The following HNF4G variants were observed in gnomAD, a reference collection of about 807,000 sequenced individuals.
HNF4G encodes hepatocyte nuclear factor 4-gamma.
HNF4G carries 21 observed loss-of-function variants against 50.9 expected under a neutral mutation model. The observed-to-expected ratio is 0.41, with a 90% CI of 0.29 to 0.59. The LOEUF (loss-of-function observed/expected upper bound fraction) is 0.59. Ranked by LOEUF, HNF4G falls within the 20% of genes least tolerant of loss-of-function variation. The probability of loss-of-function intolerance (pLI) is 0.26; values close to 1 mark genes in which losing one functional copy is unlikely to be tolerated. For missense variants in HNF4G, 527 were observed against 559.4 expected (o/e 0.94, Z 0.58); for synonymous variants, 198 against 185.6 (o/e 1.07, Z -0.54).
intron 1 of HNF4G, among the ~76,000 whole-genome samples, chr8:75,432,895 C>A (rs745507723): frequency 6.6e-6 from 1 of 152,144 alleles, no homozygotes; most frequent in African/African-American, 2.4e-5. Context: ...AACATTTAGA[C>A]AGTTCTGGGG....
intron 1 of HNF4G, 62 bp from the exon 2 acceptor site, chr8:75,543,749 T>A (rs1238409184): frequency 1.0e-5 from 14 of 1,375,690 alleles, no homozygotes; most frequent in African/African-American, 1.5e-5. Context: ...AAATAATTAG[T>A]AGGACAATTT....
At chr8:75,458,860 CTT>C (rs768689702) in intron 1 of HNF4G, among the ~76,000 whole-genome samples, 45 of 152,126 alleles carry the variant, frequency 3.0e-4, no homozygotes, top group African/African-American at 6.5e-4. Flanking sequence ...TTTCTAATGA[CTT>C]ATATTTTAAC....
intron 1 of HNF4G, among the ~76,000 whole-genome samples, chr8:75,433,069 A>G (rs886868626): frequency 1.1e-4 from 17 of 152,112 alleles, no homozygotes; most frequent in African/African-American, 4.1e-4. Flanking sequence ...TCAAAAGAGA[A>G]CCACACGGCC....
upstream of HNF4G, among the ~76,000 whole-genome samples, chr8:75,538,758 T>C (rs564638757): frequency 9.8e-5 from 15 of 152,310 alleles, no homozygotes; most frequent in Middle Eastern, 3.4e-3. Context: ...ACTGTTTGAT[T>C]TAGTGAATCT....
At chr8:75,418,738 T>G (rs1287002547) in intron 1 of HNF4G, among the ~76,000 whole-genome samples, 1 of 148,862 alleles carries the variant, frequency 6.7e-6, no homozygotes, top group African/African-American at 2.5e-5. Context: ...TTTTTTTTTT[T>G]TTTTTTGAGA....
intron 1 of HNF4G, among the ~76,000 whole-genome samples, chr8:75,433,522 T>C (rs1049460495): frequency 1.2e-4 from 18 of 152,176 alleles, no homozygotes; most frequent in Admixed American, 3.9e-4. Context: ...TTGTATTTAT[T>C]GATTGATTTT....
intron 1 of HNF4G, among the ~76,000 whole-genome samples, chr8:75,477,955 G>A (rs536951229): frequency 9.3e-5 from 14 of 151,218 alleles, no homozygotes; most frequent in African/African-American, 2.9e-4. Flanking sequence ...CAACAAGAGC[G>A]AAACTCCGTT....
chr8:75,536,103 T>C (rs1447869535), upstream of HNF4G, among the ~76,000 whole-genome samples: 1 of 151,940 alleles, frequency 6.6e-6, no homozygotes, highest in Admixed American at 6.6e-5. Flanking sequence ...CATCTTAGCC[T>C]ACAAAACATG....
intron 2 of HNF4G, among the ~76,000 whole-genome samples, chr8:75,509,836 G>T (rs910393967): frequency 6.6e-6 from 1 of 152,184 alleles, no homozygotes; most frequent in Non-Finnish European, 1.5e-5. Context: ...TGGAAGTATT[G>T]CACATACAAT....
At chr8:75,524,464 G>C (rs1457207791) in intron 2 of HNF4G, among the ~76,000 whole-genome samples, 1 of 152,106 alleles carries the variant, frequency 6.6e-6, no homozygotes, top group South Asian at 2.1e-4. Context: ...TCATCATTTA[G>C]TATTGTATCA....
intron 1 of HNF4G, among the ~76,000 whole-genome samples, chr8:75,470,790 C>T (rs1812095570): frequency 6.6e-6 from 1 of 152,132 alleles, no homozygotes; most frequent in Non-Finnish European, 1.5e-5. Flanking sequence ...TTTTTGTCCT[C>T]AGGAAATTAT....
chr8:75,547,339 T>C (rs1806811084), intron 2 of HNF4G, among the ~76,000 whole-genome samples: 1 of 152,202 alleles, frequency 6.6e-6, no homozygotes, highest in Non-Finnish European at 1.5e-5. Context: ...ATAAAAGTGG[T>C]TATGCACAGC....
chr8:75,439,493 T>C (rs1299190937), intron 1 of HNF4G, among the ~76,000 whole-genome samples: 2 of 152,052 alleles, frequency 1.3e-5, no homozygotes, highest in African/African-American at 2.4e-5. Context: ...CTAAAAACTT[T>C]GTTCTTTTAG....
rs1460057883 is a variant in HNF4G, at chr8:75,547,661, G to A, written c.362G>A (p.Arg121Lys). ...CRYCRLRKCF[R>K]AGMKKEAVQN... ...TATTGTCGATTAAGAAAGTGTTTTA[G>A]AGCGGGAATGAAAAAAGAAGGTAAT... The change falls in exon 3 of 10, where the codon AGA (arginine) becomes AAA (lysine). Residue 121 changes from arginine (R) to lysine (K), a missense_variant. Physicochemically the swap from Arg to Lys is conservative, Grantham distance 26 (BLOSUM62 2). Around this residue, in one of 5 missense-constraint regions of HNF4G, gnomAD observed 128 missense variants for 135.3 expected, o/e 0.95. Transcript: ENST00000396423. The A allele has an allele frequency of 5.6e-6, 9 of 1,599,702 alleles. No homozygotes were observed. Among genetic ancestry groups the A allele is most frequent in the Non-Finnish European group, 6.9e-6 (8 of 1,167,058 alleles).
At chr8:75,434,455 G>A (rs2130528272) in intron 1 of HNF4G, among the ~76,000 whole-genome samples, 1 of 152,066 alleles carries the variant, frequency 6.6e-6, no homozygotes, top group South Asian at 2.1e-4. Context: ...TTATAATAGA[G>A]AGGAAATAAC....
chr8:75,494,357 C>A (rs1031768806), intron 2 of HNF4G, among the ~76,000 whole-genome samples: 16 of 142,292 alleles, frequency 1.1e-4, no homozygotes, highest in Non-Finnish European at 2.2e-4. Flanking sequence ...CACAGGTTGA[C>A]AATACACAAG....
intron 2 of HNF4G, among the ~76,000 whole-genome samples, chr8:75,498,005 A>T (rs1812822212): frequency 6.6e-6 from 1 of 152,104 alleles, no homozygotes; most frequent in Non-Finnish European, 1.5e-5. Flanking sequence ...ATGCTAGGAC[A>T]TTTGGGACAC....
At chr8:75,558,069 T>C (rs1585957109) in intron 6 of HNF4G, among the ~76,000 whole-genome samples, 2 of 152,184 alleles carry the variant, frequency 1.3e-5, no homozygotes, top group Non-Finnish European at 2.9e-5. Context: ...TACTTAGGTG[T>C]GTTAAAACTG....
At chr8:75,471,199 TG>T (rs935614632) in intron 1 of HNF4G, among the ~76,000 whole-genome samples, 1 of 152,198 alleles carries the variant, frequency 6.6e-6, no homozygotes, top group African/African-American at 2.4e-5. Flanking sequence ...TTGATTGAGT[TG>T]GTGATGAAAT....
Sources: gnomAD v4.1 joint callset for allele counts (sites outside exome capture counted in the v4.1 genomes callset) on GRCh38, gnomAD v4.1.1 for gene constraint, gnomAD v4.1.1 regional missense constraint, MANE v1.5 for transcripts, NCBI Gene and HGNC (gene_info 2026-07-23, HGNC 2026-07-21) for gene names.